The following BIRC6 variants were observed in gnomAD, a reference collection of about 807,000 sequenced individuals.
BIRC6 encodes the protein dual E2 ubiquitin-conjugating enzyme/E3 ubiquitin-protein ligase BIRC6.
A neutral mutation model predicts 503.3 loss-of-function variants in BIRC6; 98 were observed. That is an observed-to-expected ratio of 0.19 (90% CI 0.17 to 0.23). BIRC6 has a LOEUF of 0.23. BIRC6 is among the 10% of genes least tolerant of loss of function. The pLI, the probability that BIRC6 is intolerant of heterozygous loss-of-function variation, is 1.00. For synonymous variants in BIRC6, 2,240 were observed against 2,078.7 expected, an observed-to-expected ratio of 1.08 and a Z score of -2.11; for missense variants, 5,360 against 5,806.0, an observed-to-expected ratio of 0.92 and a Z score of 2.50.
intron 66 of BIRC6, among the ~76,000 whole-genome samples, chr2:32,590,320 T>A (rs2061320974): frequency 6.6e-6 from 1 of 152,234 alleles, no homozygotes; most frequent in Non-Finnish European, 1.5e-5. Flanking sequence ...TAATTCTTAA[T>A]AGTTGTGAAT....
chr2:32,371,836 C>T (rs777677056), intron 1 of BIRC6, among the ~76,000 whole-genome samples: 7 of 152,102 alleles, frequency 4.6e-5, no homozygotes, highest in Admixed American at 2.0e-4. Flanking sequence ...GACAGAGTCT[C>T]ACTCCGTCAC....
At chr2:32,387,408 G>C (rs1364782382) in intron 3 of BIRC6, among the ~76,000 whole-genome samples, 1 of 149,172 alleles carries the variant, frequency 6.7e-6, no homozygotes, top group East Asian at 2.0e-4. Context: ...GAGTATACTA[G>C]ACAAGAGTAG....
intron 3 of BIRC6, among the ~76,000 whole-genome samples, chr2:32,387,367 A>G (rs1310578214): frequency 1.5e-5 from 2 of 137,556 alleles, no homozygotes; most frequent in Non-Finnish European, 1.5e-5. Flanking sequence ...CCAGTATTGT[A>G]TAGATAAATA....
intron 1 of BIRC6, among the ~76,000 whole-genome samples, chr2:32,359,818 C>A (rs570505067): frequency 1.6e-4 from 25 of 152,296 alleles, no homozygotes; most frequent in African/African-American, 5.8e-4. Flanking sequence ...ATCCTCCCAC[C>A]TCAGCCTCCC....
chr2:32,528,607 T>C (rs1194733364), intron 59 of BIRC6: 2 of 152,244 alleles, frequency 1.3e-5, no homozygotes, highest in Non-Finnish European at 2.9e-5. Flanking sequence ...CATTATTTTT[T>C]CAGTGTTAAT....
At chr2:32,487,901 T>C (rs1204124096) in intron 41 of BIRC6, 100 bp downstream of exon 41, 3 of 993,334 alleles carry the variant, frequency 3.0e-6, no homozygotes, top group Non-Finnish European at 4.5e-6. Flanking sequence ...TCAGGGATGA[T>C]TTCTTTATTA....
At chr2:32,424,310 C>G (rs1402768901) in intron 10 of BIRC6, among the ~76,000 whole-genome samples, 1 of 152,114 alleles carries the variant, frequency 6.6e-6, no homozygotes, top group Admixed American at 6.6e-5. Flanking sequence ...TCCACAGTTT[C>G]AGTCATCACT....
intron 65 of BIRC6, among the ~76,000 whole-genome samples, chr2:32,556,325 T>G (rs930425401): frequency 6.6e-6 from 1 of 152,228 alleles, no homozygotes; most frequent in Admixed American, 6.5e-5. Flanking sequence ...TGTACAGATT[T>G]GTAAAGTTAA....
chr2:32,456,679 A>G (rs1233101316), intron 23 of BIRC6, among the ~76,000 whole-genome samples: 1 of 152,178 alleles, frequency 6.6e-6, no homozygotes, highest in South Asian at 2.1e-4. Context: ...CATACTTAAT[A>G]ATGTTAACTC....
rs1168347192 is a variant in BIRC6 at position 32,525,540 on chromosome 2, T to C, written c.11832T>C (p.Pro3944=). 6 of 1,613,920 alleles carry C rather than the reference T, an allele frequency of 3.7e-6. No individual in the cohort carries two copies. The African/African-American group carries it at 5.3e-5, about 14-fold the overall frequency. Residue 3944 remains proline, a synonymous_variant, in exon 59 of 74, where the codon CCT becomes CCC. Transcript: ENST00000421745. ...CATCCAGGAGGGGGAGGACAATACC[T>C]GATAAAATAGGAAGTACTTCAGGAG... The part of the protein sequence containing the change: ...RPPSRRGRTI[P]DKIGSTSGAE...
At chr2:32,563,282 G>GT (rs2059322560) in intron 65 of BIRC6, 1 of 152,118 alleles carries the variant, frequency 6.6e-6, no homozygotes, top group African/African-American at 2.4e-5. Flanking sequence ...ATTTTTATCA[G>GT]TATAAATTCT....
intron 15 of BIRC6, among the ~76,000 whole-genome samples, chr2:32,437,725 G>A (rs1040898706): frequency 6.6e-6 from 1 of 152,116 alleles, no homozygotes; most frequent in African/African-American, 2.4e-5. Context: ...CTCTCAAAGA[G>A]TTTTGCATTT....
At chr2:32,445,414 A>G in intron 20 of BIRC6, 107 bp from the exon 21 acceptor site, 5 of 1,120,214 alleles carry the variant, frequency 4.5e-6, no homozygotes, top group Non-Finnish European at 4.9e-6. Flanking sequence ...AAAAGGGAGT[A>G]TCTTTCTAGC....
chr2:32,562,082 T>C (rs531851367), intron 65 of BIRC6, among the ~76,000 whole-genome samples: 40 of 152,232 alleles, frequency 2.6e-4, no homozygotes, highest in Admixed American at 9.8e-4. Context: ...ATTTTAACAA[T>C]TGGAATTATC....
chr2:32,402,822 T>G (rs538700783), intron 8 of BIRC6, among the ~76,000 whole-genome samples: 1 of 152,338 alleles, frequency 6.6e-6, no homozygotes, highest in African/African-American at 2.4e-5. Context: ...CTTACTTTAA[T>G]TTGAACTTTG....
At chr2:32,443,635 A>G (rs1365163297) in intron 20 of BIRC6, 47 bp downstream of exon 20, 1 of 1,301,598 alleles carries the variant, frequency 7.7e-7, no homozygotes, top group Admixed American at 2.1e-5. Flanking sequence ...CATATGGAAC[A>G]TCTCATATGT....
intron 9 of BIRC6, among the ~76,000 whole-genome samples, chr2:32,410,021 A>G (rs1369916213): frequency 6.6e-6 from 1 of 152,220 alleles, no homozygotes; most frequent in Admixed American, 6.5e-5. Flanking sequence ...CCTTTTTAAT[A>G]AAGTCTCACC....
chr2:32,409,628 A>C (rs192633323), intron 9 of BIRC6, among the ~76,000 whole-genome samples: 124 of 152,290 alleles, frequency 8.1e-4, no homozygotes, highest in Non-Finnish European at 3.5e-4. Context: ...AAGATTGAGA[A>C]GAATGTTTGG....
At chr2:32,380,110 G>A (rs2037408672) in intron 2 of BIRC6, 43 bp from the exon 3 acceptor site, 2 of 1,366,124 alleles carry the variant, frequency 1.5e-6, no homozygotes, top group African/African-American at 2.9e-5. Flanking sequence ...TTGTTCTTGT[G>A]TTGAATTTTC....
Sources: gnomAD v4.1 joint callset for allele counts (sites outside exome capture counted in the v4.1 genomes callset) on GRCh38, gnomAD v4.1.1 for gene constraint, MANE v1.5 for transcripts, NCBI Gene and HGNC (gene_info 2026-07-23, HGNC 2026-07-21) for gene names.